Variants in SUGCT observed in about 807,000 individuals in gnomAD.
SUGCT encodes the protein succinyl-CoA:glutarate-CoA transferase.
Under a neutral mutation model 55.0 loss-of-function variants are expected in SUGCT, and 41 were observed. That is an observed-to-expected ratio of 0.74 (90% CI 0.58 to 0.97). SUGCT has a LOEUF of 0.97. Among genes scored for constraint, SUGCT ranks in the 50% least tolerant of loss-of-function variants. The pLI is 0.00. For synonymous variants in SUGCT, 187 were observed against 200.4 expected (o/e 0.93, Z 0.56); for missense variants, 568 against 547.8 (o/e 1.04, Z -0.37).
At chr7:40,557,859 A>T (rs1277493290) in intron 12 of SUGCT, among the ~76,000 whole-genome samples, 1 of 152,086 alleles carries the variant, frequency 6.6e-6, no homozygotes, top group Non-Finnish European at 1.5e-5. Context: ...TAAATTACAC[A>T]TCTGATAAGG....
At chr7:41,002,045 G>C in the SUGCT span, among the ~76,000 whole-genome samples, 1 of 152,280 alleles carries the variant, frequency 6.6e-6, no homozygotes, top group African/African-American at 2.4e-5. Context: ...TTTATTTTGA[G>C]AGTCTTGCTT....
At position 40,707,249 on chromosome 7, in the gene SUGCT, T is replaced by TTA. The variant is rs1554405074; in HGVS notation, c.1090-42185_1090-42184insTA. ...AAAATCTACTTTTTTTTTTTTTTTT[T>TTA]AAAAAGGCAGAACTGTTTGGGCAAA... On this transcript the variant is annotated intron_variant, in intron 12 of 13. Coordinates refer to ENST00000335693, the MANE Select transcript of SUGCT (RefSeq NM_001193313.2). Among the ~76,000 whole-genome samples, 1,221 of 150,296 alleles carry TTA rather than the reference T, an allele frequency of 8.1e-3. 10 individuals are homozygous for TTA. The highest frequency in any genetic ancestry group is 0.026 in the African/African-American group (1,045 of 40,788).
intron 12 of SUGCT, among the ~76,000 whole-genome samples, chr7:40,676,909 GTGTGT>G (rs1784016108): frequency 6.6e-6 from 1 of 151,476 alleles, no homozygotes; most frequent in Non-Finnish European, 1.5e-5. Flanking sequence ...GTGTGTGTGT[GTGTGT>G]GTGTGTGTGT....
At chr7:40,507,431 C>G (rs1284476227) in intron 12 of SUGCT, among the ~76,000 whole-genome samples, 1 of 152,056 alleles carries the variant, frequency 6.6e-6, no homozygotes, top group Non-Finnish European at 1.5e-5. Context: ...ATTTTTTATC[C>G]TTTACCGTTG....
intron 13 of SUGCT, among the ~76,000 whole-genome samples, chr7:40,794,138 G>C (rs1471010827): frequency 1.3e-5 from 2 of 151,888 alleles, no homozygotes; most frequent in Non-Finnish European, 1.5e-5. Context: ...GCTTTCTCTA[G>C]TTCATGGTAA....
chr7:40,483,826 C>T lies in SUGCT; in HGVS notation c.987-12458C>T, dbSNP rs753042556. ...ATGAGATATACCATGCTCCCTCTAT[C>T]GGACAATAGCAAAAGTTGGTGAGAA... is the stretch of plus-strand genomic sequence containing the variant. On this transcript the variant is annotated intron_variant, in intron 11 of 13. Transcript: ENST00000335693. Among the ~76,000 whole-genome samples, 5 of 152,118 alleles carry T rather than the reference C, an allele frequency of 3.3e-5. No homozygotes were observed. The East Asian group carries it at 9.6e-4, about 29-fold the overall frequency.
chr7:40,180,507 C>T (rs1232040032), intron 1 of SUGCT, among the ~76,000 whole-genome samples: 9 of 144,174 alleles, frequency 6.2e-5, no homozygotes, highest in East Asian at 2.1e-4. Context: ...TTTTTTTTTT[C>T]GAGACAGAGC....
At chr7:41,011,876 A>G in the SUGCT span, among the ~76,000 whole-genome samples, 1 of 151,640 alleles carries the variant, frequency 6.6e-6, no homozygotes, top group Admixed American at 6.6e-5. Flanking sequence ...TGCTGTTCCA[A>G]CCCCGAATCA....
intron 12 of SUGCT, among the ~76,000 whole-genome samples, chr7:40,511,990 A>G (rs1416630515): frequency 6.6e-6 from 1 of 152,206 alleles, no homozygotes; most frequent in East Asian, 1.9e-4. Context: ...ACACAATTGT[A>G]GTTGATCCCT....
intron 12 of SUGCT, among the ~76,000 whole-genome samples, chr7:40,516,988 CT>C (rs1793271169): frequency 6.6e-6 from 1 of 151,956 alleles, no homozygotes; most frequent in South Asian, 2.1e-4. Context: ...TTATTTATGT[CT>C]TCTTTAATTG....
chr7:40,579,002 A>G (rs965688577), intron 12 of SUGCT, among the ~76,000 whole-genome samples: 2 of 152,222 alleles, frequency 1.3e-5, no homozygotes, highest in Non-Finnish European at 2.9e-5. Context: ...CATGCCTGCA[A>G]TGTATTGAGT....
At chr7:41,012,912 C>A in the SUGCT span, among the ~76,000 whole-genome samples, 1 of 151,870 alleles carries the variant, frequency 6.6e-6, no homozygotes, top group African/African-American at 2.4e-5. Flanking sequence ...AATATTTCCA[C>A]ATTCAGAACT....
At chr7:40,769,384 A>C (rs199746270) in intron 13 of SUGCT, among the ~76,000 whole-genome samples, 2 of 152,204 alleles carry the variant, frequency 1.3e-5, no homozygotes, top group African/African-American at 4.8e-5. Context: ...TGTGAATGCT[A>C]TCATATATGA....
At chr7:41,029,078 C>T in the SUGCT span, among the ~76,000 whole-genome samples, 1 of 152,168 alleles carries the variant, frequency 6.6e-6, no homozygotes, top group Non-Finnish European at 1.5e-5. Flanking sequence ...CTTAGTCAGC[C>T]TCTCCTCATG....
At chr7:40,775,224 T>C (rs1190259355) in intron 13 of SUGCT, among the ~76,000 whole-genome samples, 3 of 152,232 alleles carry the variant, frequency 2.0e-5, no homozygotes, top group African/African-American at 7.2e-5. Flanking sequence ...GGAGGTGGCC[T>C]GAAGGGCCCA....
chr7:40,950,778 G>T, the SUGCT span, among the ~76,000 whole-genome samples: 1 of 152,266 alleles, frequency 6.6e-6, no homozygotes, highest in Non-Finnish European at 1.5e-5. Context: ...TGCGTATGTT[G>T]AAACAGCCTT....
At chr7:40,520,632 A>T (rs912443043) in intron 12 of SUGCT, among the ~76,000 whole-genome samples, 1 of 152,164 alleles carries the variant, frequency 6.6e-6, no homozygotes, top group Non-Finnish European at 1.5e-5. Flanking sequence ...TAGGAGGAAG[A>T]AAAGTACAAT....
chr7:40,140,890 ATGATG>A (rs1787947820), intron 1 of SUGCT, among the ~76,000 whole-genome samples: 1 of 152,184 alleles, frequency 6.6e-6, no homozygotes, highest in African/African-American at 2.4e-5. Context: ...CTGTGAAAAA[ATGATG>A]TTGATAGAAA....
At chr7:40,862,736 T>G (rs1247172413), downstream of SUGCT, among the ~76,000 whole-genome samples, 43 of 152,038 alleles carry the variant, frequency 2.8e-4, no homozygotes, top group East Asian at 7.5e-3. Context: ...TTCTTGTTTT[T>G]TTTTTTTTTT....
Sources: gnomAD v4.1 joint callset for allele counts (sites outside exome capture counted in the v4.1 genomes callset) on GRCh38, gnomAD v4.1.1 for gene constraint, MANE v1.5 for transcripts, NCBI Gene and HGNC (gene_info 2026-07-23, HGNC 2026-07-21) for gene names.